WASHC3: variants seen among roughly 807,000 people sequenced by gnomAD.
WASHC3 encodes the protein WASH complex subunit CCDC53.
In WASHC3, 24 loss-of-function variants were observed where a neutral mutation model predicts 26.1. The observed-to-expected ratio is 0.92, with a 90% CI of 0.66 to 1.29. The LOEUF (loss-of-function observed/expected upper bound fraction) is 1.29. Among genes scored for constraint, WASHC3 ranks in the 50% most tolerant of loss-of-function variants. WASHC3 has a pLI of 0.00. For missense variants in WASHC3, 214 were observed against 229.6 expected, an observed-to-expected ratio of 0.93 and a Z score of 0.44; for synonymous variants, 77 against 75.7, an observed-to-expected ratio of 1.02 and a Z score of -0.09.
Position 102,039,876 on chromosome 12 carries a change from C to T in WASHC3, c.427G>A (p.Val143Ile). The part of the protein sequence containing the change: ...DPRYARYLKM[V>I]QVGVPVMAIR... ...AGACCAAGTTAGCTTACCACTTGAA[C>T]CATTTTGAGATATCTGGCATATCTT... The change falls in exon 5 of 7, where the codon GTT becomes ATT. Residue 143 changes from valine (V) to isoleucine (I), a missense_variant. Coordinates refer to ENST00000240079, the MANE Select transcript of WASHC3 (RefSeq NM_016053.4). The T allele has an allele frequency of 6.5e-7, 1 of 1,533,818 alleles. No individual in the cohort carries two copies. The highest frequency in any genetic ancestry group is 9.0e-7 in the Non-Finnish European group (1 of 1,108,016).
intron 3 of WASHC3, among the ~76,000 whole-genome samples, chr12:102,044,968 A>G (rs1878099049): frequency 6.6e-6 from 1 of 152,214 alleles, no homozygotes; most frequent in African/African-American, 2.4e-5. Flanking sequence ...GGCCATGGAA[A>G]TAACTAAGGT....
intron 2 of WASHC3, among the ~76,000 whole-genome samples, chr12:102,058,509 C>T (rs1050751033): frequency 2.6e-5 from 4 of 151,918 alleles, no homozygotes; most frequent in Admixed American, 6.6e-5. Flanking sequence ...GCACAGCCAA[C>T]GAAACCATCA....
At chr12:102,017,800 A>G (rs958768565) in intron 6 of WASHC3, 1 of 434,960 alleles carries the variant, frequency 2.3e-6, no homozygotes, top group Admixed American at 2.6e-5. Flanking sequence ...TCTTTTTTTA[A>G]TTTTTCTTAT....
In WASHC3 at chr12:102,025,975, C is replaced by T; in HGVS notation, c.499G>A (p.Glu167Lys). The change falls in exon 6 of 7, where the codon GAG becomes AAG. Residue 167 changes from glutamate (E) to lysine (K), a missense_variant and splice_region_variant. Physicochemically the swap from Glu to Lys is moderately conservative, Grantham distance 56. Transcript: ENST00000240079. ...CATTATATTAGAAGAATTACTTACTCAAGAAGATCTGGGTCTAGTCCTTCT... is the reference window on the plus strand; with the variant it reads ...CATTATATTAGAAGAATTACTTACTTAAGAAGATCTGGGTCTAGTCCTTCT... ...ISEGLDPDLLERPDAPVPDGE... is the reference protein window; with the variant it reads ...ISEGLDPDLLKRPDAPVPDGE... The T allele has an allele frequency of 6.9e-7, 1 of 1,457,522 alleles. No homozygotes were observed. Among genetic ancestry groups the T allele is most frequent in the Non-Finnish European group, 9.4e-7 (1 of 1,059,172 alleles). The allele number at this position is 1,457,522 out of a possible 1,614,324, so 90.3% of individuals were successfully genotyped here.
At chr12:102,034,064 A>G (rs1182024680) in intron 5 of WASHC3, among the ~76,000 whole-genome samples, 1 of 152,100 alleles carries the variant, frequency 6.6e-6, no homozygotes, top group Non-Finnish European at 1.5e-5. Context: ...ACTTTTCAGT[A>G]TGATAAGGTA....
chr12:102,030,957 T>C (rs535328141), intron 5 of WASHC3, among the ~76,000 whole-genome samples: 3 of 152,136 alleles, frequency 2.0e-5, no homozygotes, highest in Non-Finnish European at 4.4e-5. Context: ...AATTTAAAAA[T>C]ATGCAAAAGG....
In WASHC3 at chr12:102,054,095, T is replaced by A. The variant is rs190479075; in HGVS notation, c.150+7153A>T. 2.0e-4 allele frequency among the ~76,000 whole-genome samples: 30 copies of A among 151,990 alleles called. No individual in the cohort carries two copies. In the East Asian group the frequency reaches 3.9e-3, roughly 20 times the overall value. On this transcript the variant is annotated intron_variant, in intron 2 of 6. Transcript: ENST00000240079. ...AACCTAATAGTAAATACACAAAAGA[T>A]GAAAAGTAAGGAATCAAAGTATATC... is the stretch of plus-strand genomic sequence containing the variant.
intron 2 of WASHC3, among the ~76,000 whole-genome samples, chr12:102,048,676 T>C (rs1878266431): frequency 6.6e-6 from 1 of 152,032 alleles, no homozygotes; most frequent in Non-Finnish European, 1.5e-5. Context: ...GCTGCAGATT[T>C]CCTTATACTT....
intron 4 of WASHC3, among the ~76,000 whole-genome samples, chr12:102,041,543 T>C (rs921534480): frequency 3.9e-5 from 6 of 152,050 alleles, no homozygotes; most frequent in African/African-American, 1.4e-4. Context: ...TTGACTCATG[T>C]ATAGATTAGA....
chr12:102,027,919 A>G (rs1877268591), intron 5 of WASHC3, among the ~76,000 whole-genome samples: 1 of 152,100 alleles, frequency 6.6e-6, no homozygotes, highest in Non-Finnish European at 1.5e-5. Flanking sequence ...TAATACATGA[A>G]TCAATATAAA....
chr12:102,031,210 G>C (rs1357141013), intron 5 of WASHC3, among the ~76,000 whole-genome samples: 1 of 152,186 alleles, frequency 6.6e-6, no homozygotes, highest in African/African-American at 2.4e-5. Context: ...TATGACAAAA[G>C]TTATCTTTCT....
At chr12:102,024,376 A>T (rs1461727215) in intron 6 of WASHC3, among the ~76,000 whole-genome samples, 1 of 152,210 alleles carries the variant, frequency 6.6e-6, no homozygotes, top group Non-Finnish European at 1.5e-5. Context: ...AGTAATTCAG[A>T]TTACAAACGA....
chr12:102,053,861 A>G (rs966002756), intron 2 of WASHC3, among the ~76,000 whole-genome samples: 1 of 151,842 alleles, frequency 6.6e-6, no homozygotes, highest in Non-Finnish European at 1.5e-5. Context: ...GAAAGTTAAC[A>G]GACAAAACTA....
At chr12:102,019,003 TGGCCA>T (rs1270151741) in intron 6 of WASHC3, among the ~76,000 whole-genome samples, 1 of 152,144 alleles carries the variant, frequency 6.6e-6, no homozygotes, top group Non-Finnish European at 1.5e-5. Flanking sequence ...TTCGCCATGT[TGGCCA>T]GGCTGGTCTC....
At chr12:102,060,906 G>C (rs1182607738) in intron 2 of WASHC3, among the ~76,000 whole-genome samples, 1 of 135,000 alleles carries the variant, frequency 7.4e-6, no homozygotes, top group African/African-American at 2.9e-5. Context: ...AGTGAGCCGA[G>C]ATCGCGCCAC....
At chr12:102,043,003 G>T (rs1878002351) in intron 4 of WASHC3, among the ~76,000 whole-genome samples, 2 of 152,154 alleles carry the variant, frequency 1.3e-5, no homozygotes, top group African/African-American at 4.8e-5. Context: ...AGAGCCAAAT[G>T]TAAAGTATAG....
chr12:102,049,224 TC>T (rs1215376313), intron 2 of WASHC3, among the ~76,000 whole-genome samples: 4 of 152,218 alleles, frequency 2.6e-5, no homozygotes, highest in Non-Finnish European at 2.9e-5. Flanking sequence ...CTAGTAGCAC[TC>T]CCCAGTTATT....
chr12:102,055,579 C>T (rs986678965), intron 2 of WASHC3, among the ~76,000 whole-genome samples: 1 of 152,224 alleles, frequency 6.6e-6, no homozygotes, highest in African/African-American at 2.4e-5. Context: ...CTCTTAGCCT[C>T]AGGTGATCTG....
chr12:102,043,433 T>G (rs1190661768), intron 4 of WASHC3, among the ~76,000 whole-genome samples: 2 of 151,990 alleles, frequency 1.3e-5, no homozygotes, highest in African/African-American at 2.4e-5. Context: ...CACACCTGGC[T>G]AATTTTTGTA....
Sources: gnomAD v4.1 joint callset for allele counts (sites outside exome capture counted in the v4.1 genomes callset) on GRCh38, gnomAD v4.1.1 for gene constraint, MANE v1.5 for transcripts, NCBI Gene and HGNC (gene_info 2026-07-23, HGNC 2026-07-21) for gene names.